HMBOX1: variants seen among roughly 807,000 people sequenced by gnomAD.
HMBOX1 encodes the protein homeobox containing 1.
Under a neutral mutation model 54.5 loss-of-function variants are expected in HMBOX1, and 14 were observed. The observed-to-expected ratio is 0.26, with a 90% CI of 0.17 to 0.40. The LOEUF is 0.40. HMBOX1 is among the 10% of genes least tolerant of loss of function. HMBOX1 has a pLI of 1.00. For missense variants in HMBOX1, 332 were observed against 514.4 expected (o/e 0.65, Z 3.43); for synonymous variants, 160 against 181.0 (o/e 0.88, Z 0.93).
intron 1 of HMBOX1, among the ~76,000 whole-genome samples, chr8:28,960,419 A>G (rs1448251512): frequency 6.6e-6 from 1 of 151,882 alleles, no homozygotes; most frequent in African/African-American, 2.4e-5. Context: ...ATGAAATTAA[A>G]CCTTTTGTTT....
At chr8:28,919,262 A>G (rs1405278466) in intron 1 of HMBOX1, among the ~76,000 whole-genome samples, 1 of 152,216 alleles carries the variant, frequency 6.6e-6, no homozygotes, top group Non-Finnish European at 1.5e-5. Context: ...AGGGTTCTTC[A>G]TCTGCAGATT....
intron 4 of HMBOX1, among the ~76,000 whole-genome samples, chr8:28,996,811 A>G (rs1020475195): frequency 6.6e-6 from 1 of 152,238 alleles, no homozygotes; most frequent in Non-Finnish European, 1.5e-5. Flanking sequence ...TGAACATTAT[A>G]TTAATGTGGA....
chr8:29,014,396 G>A (rs1834688801), intron 5 of HMBOX1, among the ~76,000 whole-genome samples: 1 of 151,984 alleles, frequency 6.6e-6, no homozygotes, highest in Admixed American at 6.5e-5. Flanking sequence ...GCATTCTAGT[G>A]TCTTTGTGTT....
chr8:29,016,590 C>G (rs1228073644), intron 5 of HMBOX1, among the ~76,000 whole-genome samples: 1 of 152,218 alleles, frequency 6.6e-6, no homozygotes, highest in Non-Finnish European at 1.5e-5. Flanking sequence ...AATGGCTTAG[C>G]TGGTTGTTTC....
chr8:28,977,347 G>C (rs754219004), intron 3 of HMBOX1, among the ~76,000 whole-genome samples: 2 of 152,206 alleles, frequency 1.3e-5, no homozygotes, highest in East Asian at 3.9e-4. Context: ...CTTAAATTCA[G>C]CTTCATTTTC....
intron 4 of HMBOX1, among the ~76,000 whole-genome samples, chr8:29,005,460 T>C (rs1833321127): frequency 6.6e-6 from 1 of 152,216 alleles, no homozygotes; most frequent in Admixed American, 6.5e-5. Flanking sequence ...ACATTGTATA[T>C]TCATAAAAAT....
chr8:28,995,589 T>C (rs1438746819), intron 4 of HMBOX1, among the ~76,000 whole-genome samples: 2 of 152,204 alleles, frequency 1.3e-5, no homozygotes, highest in African/African-American at 4.8e-5. Context: ...GTTTTCCATT[T>C]TATAAAACTA....
chr8:28,918,467 T>C (rs1260175373), intron 1 of HMBOX1, among the ~76,000 whole-genome samples: 1 of 151,908 alleles, frequency 6.6e-6, no homozygotes, highest in Non-Finnish European at 1.5e-5. Flanking sequence ...CCTCCCAAAG[T>C]GTTGGGATTA....
chr8:29,001,700 C>G (rs1391997049), intron 4 of HMBOX1, among the ~76,000 whole-genome samples: 1 of 152,106 alleles, frequency 6.6e-6, no homozygotes, highest in South Asian at 2.1e-4. Context: ...TTATCACATG[C>G]GTCTGTATAT....
At chr8:28,963,694 ATAT>A (rs761651947) in intron 1 of HMBOX1, 114 bp from the exon 2 acceptor site, 8 of 503,572 alleles carry the variant, frequency 1.6e-5, no homozygotes, top group Non-Finnish European at 2.1e-5. Context: ...AGAAGATATA[ATAT>A]TTAACATGAT....
chr8:28,967,780 T>C (rs1826685945), intron 2 of HMBOX1, among the ~76,000 whole-genome samples: 1 of 152,144 alleles, frequency 6.6e-6, no homozygotes, highest in African/African-American at 2.4e-5. Context: ...AGAAAGAATA[T>C]AATAATCATG....
chr8:28,902,612 T>C (rs1813450009), intron 1 of HMBOX1, among the ~76,000 whole-genome samples: 1 of 152,136 alleles, frequency 6.6e-6, no homozygotes, highest in Non-Finnish European at 1.5e-5. Context: ...TTCAGTATGG[T>C]GGCTTCAAGG....
At chr8:28,993,171 GTAAC>G (rs1174706760) in intron 4 of HMBOX1, among the ~76,000 whole-genome samples, 1 of 151,820 alleles carries the variant, frequency 6.6e-6, no homozygotes, top group Non-Finnish European at 1.5e-5. Flanking sequence ...TAGCAGTTAA[GTAAC>G]TATTTTAAAC....
At chr8:28,917,323 A>G (rs1816743223) in intron 1 of HMBOX1, among the ~76,000 whole-genome samples, 1 of 152,142 alleles carries the variant, frequency 6.6e-6, no homozygotes, top group South Asian at 2.1e-4. Context: ...TTTTGGTGCT[A>G]TTATAAATGG....
At chr8:29,025,927 T>A (rs1801947068) in intron 6 of HMBOX1, among the ~76,000 whole-genome samples, 1 of 152,060 alleles carries the variant, frequency 6.6e-6, no homozygotes, top group Non-Finnish European at 1.5e-5. Context: ...CTTTCTTCTC[T>A]CTGTGCAAAC....
chr8:29,017,200 C>G (rs1458722196), intron 5 of HMBOX1, among the ~76,000 whole-genome samples: 1 of 152,220 alleles, frequency 6.6e-6, no homozygotes, highest in Non-Finnish European at 1.5e-5. Flanking sequence ...CTCCACATGG[C>G]TATCCTGGGC....
chr8:29,041,591 C>T (rs557950006), intron 6 of HMBOX1, among the ~76,000 whole-genome samples: 27 of 151,942 alleles, frequency 1.8e-4, no homozygotes, highest in South Asian at 6.2e-4. Context: ...AGATGAAGTG[C>T]GGTGGGATTC....
In HMBOX1 at chr8:29,009,975, C is replaced by T. The variant is rs918044350; in HGVS notation, c.697+793C>T. The T allele has an allele frequency of 9.1e-6, 9 of 984,756 alleles. No homozygotes were observed. The African/African-American group carries it at 1.6e-4, about 17-fold the overall frequency. The allele number at this position is 984,756 out of a possible 1,614,324, so 61.0% of individuals were successfully genotyped here. A position where few individuals can be genotyped will look rare whatever the true frequency, so the allele number is the denominator to read the frequency against. On this transcript the variant is annotated intron_variant, in intron 5 of 9. Coordinates refer to ENST00000287701, the MANE Select transcript of HMBOX1 (RefSeq NM_001135726.3). ...CAAAGCCTTTGCACACAGACTAAAA[C>T]ACTAGTTGAAATATTGCATAATAAT...
chr8:28,899,192 C>T (rs1812733344), intron 1 of HMBOX1, among the ~76,000 whole-genome samples: 1 of 152,032 alleles, frequency 6.6e-6, no homozygotes, highest in Non-Finnish European at 1.5e-5. Context: ...GAGAGGTAGC[C>T]CTGGATACAT....
Sources: allele counts gnomAD v4.1 joint callset (sites outside exome capture counted in the v4.1 genomes callset), GRCh38; gene constraint gnomAD v4.1.1; transcripts MANE v1.5; gene names NCBI Gene and HGNC (gene_info 2026-07-23, HGNC 2026-07-21).